The following GTPBP8 variants were observed in gnomAD, a reference collection of about 807,000 sequenced individuals.
The protein encoded by GTPBP8 is GTP-binding protein 8.
A neutral mutation model predicts 27.3 loss-of-function variants in GTPBP8; 21 were observed. The ratio of observed to expected loss-of-function variants is 0.77; its 90% CI spans 0.55 to 1.11. GTPBP8 has a LOEUF of 1.11. GTPBP8 is among the 50% of genes least tolerant of loss of function. The pLI is 0.00. For synonymous variants in GTPBP8, 147 were observed against 135.3 expected (o/e 1.09, Z -0.60); for missense variants, 380 against 350.8 (o/e 1.08, Z -0.67).
In GTPBP8 at chr3:112,997,607, T is replaced by A. The variant is rs543710340; in HGVS notation, c.666+616T>A. ...GAAAAAATGGCACTCTTAAAGTTTC[T>A]TTCCAAAGAAAAGTGAAGAACCCAA... On this transcript the variant is annotated intron_variant, in intron 4 of 5. Coordinates refer to ENST00000383678, the MANE Select transcript of GTPBP8 (RefSeq NM_014170.4). 2.0e-5 allele frequency among the ~76,000 whole-genome samples: 3 copies of A among 152,350 alleles called. No homozygotes were observed. The East Asian group carries it at 5.8e-4, about 29-fold the overall frequency.
At chr3:112,998,544 G>A (rs2107371485) in intron 4 of GTPBP8, among the ~76,000 whole-genome samples, 1 of 152,154 alleles carries the variant, frequency 6.6e-6, no homozygotes, top group African/African-American at 2.4e-5. Flanking sequence ...CATAACATCA[G>A]CATCCCTTCC....
chr3:112,995,409 T>C (rs3736593), intron 3 of GTPBP8, 144 bp downstream of exon 3: 23,688 of 549,570 alleles, frequency 0.043, 1,794 homozygotes, highest in East Asian at 0.21. Flanking sequence ...TAATATTCTA[T>C]AATACAATAT....
intron 4 of GTPBP8, among the ~76,000 whole-genome samples, chr3:112,997,649 A>G (rs1296072183): frequency 6.6e-6 from 1 of 152,230 alleles, no homozygotes; most frequent in Non-Finnish European, 1.5e-5. Context: ...ATTTGCTTTC[A>G]AAAAGATGTC....
intron 1 of GTPBP8, 62 bp downstream of exon 1, chr3:112,991,397 G>C: frequency 2.8e-6 from 4 of 1,452,942 alleles, no homozygotes; most frequent in Non-Finnish European, 3.9e-6. Context: ...CGCTTCCCTG[G>C]CCGTCCGGCT....
In GTPBP8 at chr3:113,001,159, T is replaced by C; in HGVS notation, c.*240T>C. 1 of 383,648 alleles carries C rather than the reference T, an allele frequency of 2.6e-6. No individual in the cohort carries two copies. Among genetic ancestry groups the C allele is most frequent in the South Asian group, 4.3e-5 (1 of 23,400 alleles). 23.8% of individuals were successfully genotyped at this position (383,648 alleles called of 1,614,324 possible). A position where few individuals can be genotyped will look rare whatever the true frequency, so the allele number is the denominator to read the frequency against. On this transcript the variant is annotated 3_prime_UTR_variant, in exon 6 of 6. Coordinates refer to ENST00000383678, the MANE Select transcript of GTPBP8 (RefSeq NM_014170.4). ...GAACAGCTACTAGCTGATTCCCCTA[T>C]TTTAACAAACTGACAAGAGCACATC...
At chr3:112,999,690 G>T in intron 5 of GTPBP8, 126 bp downstream of exon 5, 1 of 583,320 alleles carries the variant, frequency 1.7e-6, no homozygotes. Context: ...TTCTTTAGTG[G>T]TTATTTATGA....
chr3:112,991,741 CCAGA>C (rs1278553735), intron 1 of GTPBP8: 5 of 367,176 alleles, frequency 1.4e-5, no homozygotes, highest in African/African-American at 4.3e-5. Context: ...GGAAAACATG[CCAGA>C]CAAATTAGAC....
At chr3:112,995,397 C>G in intron 3 of GTPBP8, 132 bp downstream of exon 3, 1 of 577,986 alleles carries the variant, frequency 1.7e-6, no homozygotes, top group Non-Finnish European at 3.0e-6. Context: ...ATTTTATTCT[C>G]ATAATATTCT....
chr3:112,992,896 T>G, intron 1 of GTPBP8, 130 bp from the exon 2 acceptor site: 1 of 559,086 alleles, frequency 1.8e-6, no homozygotes, highest in Non-Finnish European at 3.2e-6. Context: ...TGCTGAATGC[T>G]TAAAATAGTA....
chr3:112,996,121 G>A (rs1933781165), intron 3 of GTPBP8, among the ~76,000 whole-genome samples: 1 of 152,110 alleles, frequency 6.6e-6, no homozygotes, highest in African/African-American at 2.4e-5. Flanking sequence ...AAGATATAAT[G>A]TGTCTGGTTT....
intron 5 of GTPBP8, among the ~76,000 whole-genome samples, chr3:113,000,037 T>C (rs908443284): frequency 1.3e-5 from 2 of 152,192 alleles, no homozygotes; most frequent in African/African-American, 4.8e-5. Context: ...TTTTATAACG[T>C]TATGTACTGA....
intron 2 of GTPBP8, among the ~76,000 whole-genome samples, chr3:112,994,112 ATTGAC>A (rs1933738488): frequency 6.6e-6 from 1 of 152,202 alleles, no homozygotes; most frequent in African/African-American, 2.4e-5. Flanking sequence ...GATCCAAACA[ATTGAC>A]TTAACTTTAA....
Position 112,995,120 on chromosome 3 carries a change from T to C in GTPBP8, c.436-15T>C. The C allele has an allele frequency of 6.4e-7, 1 of 1,563,164 alleles. No individual in the cohort carries two copies. Among genetic ancestry groups the C allele is most frequent in the Non-Finnish European group, 8.7e-7 (1 of 1,153,580 alleles). ...TATCTTAAGACAGCTTTTCTTTTTC[T>C]ATTTACTTTATCAGGGACACACAAA... is the stretch of plus-strand genomic sequence containing the variant. On this transcript the variant is annotated splice_polypyrimidine_tract_variant and intron_variant, in intron 2 of 5. Coordinates refer to ENST00000383678, the MANE Select transcript of GTPBP8 (RefSeq NM_014170.4).
rs530931520 is a variant in GTPBP8, at chr3:112,993,583, GCTTT to G, written c.435+465_435+468del. On this transcript the variant is annotated intron_variant, in intron 2 of 5. Transcript: ENST00000383678. ...TTTTCCTAGCCAGTCTGCTGTAATA[GCTTT>G]CTTTCATTTTCTAATTCCCTCTACT... Among the ~76,000 whole-genome samples, 67 of 152,102 alleles carry G rather than the reference GCTTT, an allele frequency of 4.4e-4. 1 individual carries two copies. The highest frequency in any genetic ancestry group is 9.0e-4 in the Non-Finnish European group (61 of 68,008).
intron 1 of GTPBP8, chr3:112,991,811 C>G: frequency 4.0e-6 from 1 of 249,358 alleles, no homozygotes; most frequent in Non-Finnish European, 8.0e-6. Context: ...ATGAGATGGT[C>G]CTTATCAATA....
chr3:112,991,819 ATAAG>A, intron 1 of GTPBP8: 1 of 235,872 alleles, frequency 4.2e-6, no homozygotes, highest in Non-Finnish European at 8.6e-6. Context: ...GTCCTTATCA[ATAAG>A]TAACTTTCGC....
At chr3:113,000,548 T>C (rs1455538686) in intron 5 of GTPBP8, among the ~76,000 whole-genome samples, 1 of 152,162 alleles carries the variant, frequency 6.6e-6, no homozygotes, top group Non-Finnish European at 1.5e-5. Flanking sequence ...AACAAGGTAA[T>C]TGAATATTTA....
At chr3:112,998,584 A>T (rs891434067) in intron 4 of GTPBP8, among the ~76,000 whole-genome samples, 1 of 152,000 alleles carries the variant, frequency 6.6e-6, no homozygotes, top group Non-Finnish European at 1.5e-5. Flanking sequence ...CCCTCTCTGG[A>T]ATGAGGGTCA....
At chr3:112,997,837 C>G (rs887951741) in intron 4 of GTPBP8, among the ~76,000 whole-genome samples, 1 of 152,006 alleles carries the variant, frequency 6.6e-6, no homozygotes, top group African/African-American at 2.4e-5. Flanking sequence ...AGTAAAAATG[C>G]CTAAATATTG....
Sources: gnomAD v4.1 joint callset for allele counts (sites outside exome capture counted in the v4.1 genomes callset) on GRCh38, gnomAD v4.1.1 for gene constraint, MANE v1.5 for transcripts, NCBI Gene and HGNC (gene_info 2026-07-23, HGNC 2026-07-21) for gene names.